Variants in DENND1A observed in about 807,000 individuals in gnomAD.
DENND1A encodes DENN domain containing 1A, also known as DENN domain-containing protein 1A.
A neutral mutation model predicts 113.7 loss-of-function variants in DENND1A; 51 were observed. The observed-to-expected ratio is 0.45, with a 90% CI of 0.36 to 0.57. DENND1A has a LOEUF of 0.57. Ranked by LOEUF, DENND1A falls within the 20% of genes least tolerant of loss-of-function variation. The pLI, the probability that DENND1A is intolerant of heterozygous loss-of-function variation, is 0.00. For synonymous variants in DENND1A, 565 were observed against 570.8 expected, an observed-to-expected ratio of 0.99 and a Z score of 0.14; for missense variants, 1,258 against 1,395.9, an observed-to-expected ratio of 0.90 and a Z score of 1.57.
At position 123,382,560 on chromosome 9, in the gene DENND1A, C is replaced by A. The variant is rs369085843; in HGVS notation, c.2085G>T (p.Pro695=). 12 of 1,613,930 alleles carry A rather than the reference C, an allele frequency of 7.4e-6. No individual in the cohort carries two copies. Among genetic ancestry groups the A allele is most frequent in the Middle Eastern group, 1.6e-4 (1 of 6,078 alleles). ...GGCCCAGGCTCCAGAGCTTGTTGTA[C>A]GGGTGGGTAAGCTTCAAGGCCACTG... The part of the protein sequence containing the change: ...GVTVALKLTH[P]YNKLWSLGQD... Residue 695 remains proline, a synonymous_variant, in exon 24 of 24, where the codon CCG becomes CCT. Coordinates refer to ENST00000394215, the MANE Select transcript of DENND1A (RefSeq NM_001352964.2).
chr9:123,887,929 A>ATG (rs1319271136), intron 1 of DENND1A, among the ~76,000 whole-genome samples: 1 of 152,204 alleles, frequency 6.6e-6, no homozygotes, highest in Non-Finnish European at 1.5e-5. Flanking sequence ...CAAGGTTTAT[A>ATG]TGTATATATA....
chr9:123,571,627 G>A (rs1003498504), intron 12 of DENND1A, among the ~76,000 whole-genome samples: 2 of 152,150 alleles, frequency 1.3e-5, no homozygotes, highest in Admixed American at 6.5e-5. Flanking sequence ...TGTATCAAAC[G>A]TTTGTTACTA....
chr9:123,625,498 C>T (rs560220663), intron 10 of DENND1A, among the ~76,000 whole-genome samples: 1 of 152,334 alleles, frequency 6.6e-6, no homozygotes, highest in Non-Finnish European at 1.5e-5. Context: ...AATCCCAGTA[C>T]TTTGGGAGGC....
intron 13 of DENND1A, chr9:123,485,617 A>ACCGTGTGTGTGCGTGCGC (rs1564577447): frequency 6.7e-6 from 1 of 148,372 alleles, no homozygotes; most frequent in Non-Finnish European, 1.5e-5. Flanking sequence ...ACCAGGGGAC[A>ACCGTGTGTGTGCGTGCGC]CCGTGTGTGT....
chr9:123,846,940 T>C (rs751086883), intron 2 of DENND1A, among the ~76,000 whole-genome samples: 1 of 152,234 alleles, frequency 6.6e-6, no homozygotes, highest in African/African-American at 2.4e-5. Context: ...GCAAATTGTA[T>C]GGTTTGTGAA....
chr9:123,827,391 TAA>T (rs1491478219), intron 2 of DENND1A, among the ~76,000 whole-genome samples: 35 of 119,016 alleles, frequency 2.9e-4, no homozygotes, highest in Non-Finnish European at 5.0e-4. Flanking sequence ...AATGGATATA[TAA>T]TATATATATA....
chr9:123,545,090 TCC>T (rs2056568486), intron 13 of DENND1A, among the ~76,000 whole-genome samples: 1 of 147,456 alleles, frequency 6.8e-6, no homozygotes, highest in South Asian at 2.2e-4. Flanking sequence ...AGAGCAAGAC[TCC>T]GTCTCAAAAA....
intron 2 of DENND1A, among the ~76,000 whole-genome samples, chr9:123,837,847 C>G (rs1841267371): frequency 6.6e-6 from 1 of 152,216 alleles, no homozygotes; most frequent in Non-Finnish European, 1.5e-5. Flanking sequence ...AATGCAATTT[C>G]TACACTATTC....
intron 13 of DENND1A, among the ~76,000 whole-genome samples, chr9:123,508,090 G>A (rs2053127160): frequency 6.6e-6 from 1 of 152,114 alleles, no homozygotes; most frequent in African/African-American, 2.4e-5. Context: ...GATAACACAG[G>A]CAAAGAGAGA....
chr9:123,875,696 G>C (rs896021258), intron 2 of DENND1A, among the ~76,000 whole-genome samples: 1 of 152,122 alleles, frequency 6.6e-6, no homozygotes, highest in Middle Eastern at 3.2e-3. Context: ...AGACCCCAGG[G>C]GAGAGACTCA....
chr9:123,879,558 A>G (rs1848024266), intron 1 of DENND1A, among the ~76,000 whole-genome samples: 1 of 151,946 alleles, frequency 6.6e-6, no homozygotes, highest in South Asian at 2.1e-4. Context: ...AATTATACAC[A>G]CACACACACA....
intron 5 of DENND1A, among the ~76,000 whole-genome samples, chr9:123,744,770 CTTTTT>C (rs57945475): frequency 9.7e-6 from 1 of 102,732 alleles, no homozygotes; most frequent in African/African-American, 3.7e-5. Context: ...TATATTAGCT[CTTTTT>C]TTTTTTTTTT....
At chr9:123,888,829 A>G (rs1849477346) in intron 1 of DENND1A, among the ~76,000 whole-genome samples, 2 of 152,198 alleles carry the variant, frequency 1.3e-5, no homozygotes, top group Admixed American at 1.3e-4. Flanking sequence ...ACGTAGTAAC[A>G]AATTGCCATT....
chr9:123,796,809 C>T (rs1833855307), intron 2 of DENND1A, among the ~76,000 whole-genome samples: 1 of 149,468 alleles, frequency 6.7e-6, no homozygotes. Flanking sequence ...AAATTATTTT[C>T]CTGTTTCCCT....
At chr9:123,539,464 A>AT (rs57280463) in intron 13 of DENND1A, among the ~76,000 whole-genome samples, 16 of 150,982 alleles carry the variant, frequency 1.1e-4, no homozygotes, top group South Asian at 2.1e-4. Context: ...TAATAAAACT[A>AT]TTTTTTTTTA....
At chr9:123,397,220 T>A (rs891316538) in intron 21 of DENND1A, among the ~76,000 whole-genome samples, 2 of 152,206 alleles carry the variant, frequency 1.3e-5, no homozygotes, top group African/African-American at 2.4e-5. Flanking sequence ...AGTGGCATGA[T>A]CTCTGTTCCC....
chr9:123,416,659 C>T (rs963023201), intron 19 of DENND1A, among the ~76,000 whole-genome samples: 9 of 152,164 alleles, frequency 5.9e-5, no homozygotes, highest in African/African-American at 1.2e-4. Flanking sequence ...CAGCACTTCC[C>T]GAGCTGGGCC....
At chr9:123,885,212 A>T (rs990380938) in intron 1 of DENND1A, among the ~76,000 whole-genome samples, 1 of 152,234 alleles carries the variant, frequency 6.6e-6, no homozygotes, top group Non-Finnish European at 1.5e-5. Context: ...CCCAGTCTAT[A>T]TCGCAGACCA....
chr9:123,525,283 G>A (rs1336807499), intron 13 of DENND1A, among the ~76,000 whole-genome samples: 1 of 152,152 alleles, frequency 6.6e-6, no homozygotes, highest in Non-Finnish European at 1.5e-5. Context: ...AACTTTTAGG[G>A]CCTGCTATTA....
Sources: gnomAD v4.1 joint callset for allele counts (sites outside exome capture counted in the v4.1 genomes callset) on GRCh38, gnomAD v4.1.1 for gene constraint, MANE v1.5 for transcripts, NCBI Gene and HGNC (gene_info 2026-07-23, HGNC 2026-07-21) for gene names.